DAB1: variants seen among roughly 807,000 people sequenced by gnomAD.
The protein encoded by DAB1 is DAB adaptor protein 1, also known as disabled homolog 1.
Under a neutral mutation model 64.6 loss-of-function variants are expected in DAB1, and 15 were observed. That is an observed-to-expected ratio of 0.23 (90% CI 0.16 to 0.36). DAB1 has a LOEUF of 0.36. DAB1 is among the 10% of genes least tolerant of loss of function. The pLI is 1.00. For missense variants in DAB1, 596 were observed against 706.7 expected (o/e 0.84, Z 1.78); for synonymous variants, 235 against 251.9 (o/e 0.93, Z 0.64).
intron 3 of DAB1, among the ~76,000 whole-genome samples, chr1:58,434,237 C>T (rs1339257119): frequency 6.6e-6 from 1 of 152,040 alleles, no homozygotes; most frequent in East Asian, 1.9e-4. Flanking sequence ...GCAGAATTAG[C>T]ATAAGAGGCT....
intron 2 of DAB1, among the ~76,000 whole-genome samples, chr1:57,279,385 T>A (rs1443003245): frequency 6.6e-6 from 1 of 152,228 alleles, no homozygotes; most frequent in Non-Finnish European, 1.5e-5. Flanking sequence ...TATTATTTTT[T>A]AATTGTTGTA....
chr1:57,471,118 A>G (rs1045318381), intron 7 of DAB1, among the ~76,000 whole-genome samples: 13 of 152,344 alleles, frequency 8.5e-5, no homozygotes, highest in African/African-American at 2.6e-4. Context: ...GAAGCAGATC[A>G]TCTTACTTTT....
chr1:57,781,122 CTCTCTATATATATATATATATATATA>C (rs1346875694), intron 6 of DAB1, among the ~76,000 whole-genome samples: 175 of 43,874 alleles, frequency 4.0e-3, no homozygotes, highest in Middle Eastern at 0.013. Context: ...CTCTCTCTCT[CTCTCTATATATATATATATATATATA>C]TATATATATA....
intron 4 of DAB1, among the ~76,000 whole-genome samples, chr1:58,231,625 C>T (rs746171610): frequency 1.9e-4 from 29 of 152,154 alleles, no homozygotes; most frequent in Non-Finnish European, 2.9e-5. Flanking sequence ...ATCTATGCTA[C>T]ATAATAACAT....
chr1:57,571,009 C>T (rs1645187743), intron 7 of DAB1, among the ~76,000 whole-genome samples: 1 of 152,110 alleles, frequency 6.6e-6, no homozygotes, highest in South Asian at 2.1e-4. Context: ...TCATCTGGGT[C>T]ACCGTTGGTG....
At chr1:57,688,658 A>T (rs1213605901) in intron 6 of DAB1, among the ~76,000 whole-genome samples, 3 of 152,192 alleles carry the variant, frequency 2.0e-5, no homozygotes, top group Non-Finnish European at 4.4e-5. Flanking sequence ...AAGGCATGGA[A>T]TCAACCTAGG....
At chr1:57,620,431 G>A (rs970742245) in intron 7 of DAB1, among the ~76,000 whole-genome samples, 3 of 152,164 alleles carry the variant, frequency 2.0e-5, no homozygotes, top group Admixed American at 2.0e-4. Context: ...TGTATGAGAT[G>A]AATCTCAAAA....
chr1:57,025,957 G>A lies in DAB1; in HGVS notation c.786+24C>T, dbSNP rs1055848525. On this transcript the variant is annotated intron_variant, in intron 10 of 14. Coordinates refer to ENST00000371236, the MANE Select transcript of DAB1 (RefSeq NM_001365792.1). The stretch of plus-strand genomic sequence containing the variant: ...TAAAGAAAGGAATTCAGAGAGCAGG[G>A]TTCAGAGAGCAATGCATACTTACGG... 3.2e-6 allele frequency: 5 copies of A among 1,549,222 alleles called. No homozygotes were observed. The South Asian group carries it at 6.1e-5, about 19-fold the overall frequency.
chr1:57,468,404 T>C (rs921028838), intron 7 of DAB1, among the ~76,000 whole-genome samples: 3 of 152,060 alleles, frequency 2.0e-5, no homozygotes, highest in Non-Finnish European at 4.4e-5. Context: ...AAAATGAAAA[T>C]TTTAGAATGG....
At chr1:57,534,049 T>C (rs1235610245) in intron 7 of DAB1, among the ~76,000 whole-genome samples, 1 of 152,098 alleles carries the variant, frequency 6.6e-6, no homozygotes, top group Non-Finnish European at 1.5e-5. Context: ...TATATTATTT[T>C]GAGATGGAAA....
chr1:58,324,949 C>A (rs182675099), intron 4 of DAB1, among the ~76,000 whole-genome samples: 1 of 152,250 alleles, frequency 6.6e-6, no homozygotes, highest in African/African-American at 2.4e-5. Flanking sequence ...GCTATGGACA[C>A]CACCAACATG....
intron 4 of DAB1, among the ~76,000 whole-genome samples, chr1:57,073,936 G>A (rs924768136): frequency 2.0e-5 from 3 of 152,164 alleles, no homozygotes; most frequent in Non-Finnish European, 4.4e-5. Flanking sequence ...GAGTGCAACG[G>A]TGCAATCTTG....
intron 3 of DAB1, among the ~76,000 whole-genome samples, chr1:58,488,564 G>A (rs1470202217): frequency 6.6e-6 from 1 of 152,154 alleles, no homozygotes; most frequent in African/African-American, 2.4e-5. Flanking sequence ...CAATTCTCCT[G>A]TGTCAGCCTC....
At chr1:58,300,606 AAGAAAGAG>A (rs1662115688) in intron 4 of DAB1, among the ~76,000 whole-genome samples, 30 of 37,970 alleles carry the variant, frequency 7.9e-4, no homozygotes, top group South Asian at 1.1e-3. Context: ...GAAAGAAAGA[AAGAAAGAG>A]AGAGAGAGAG....
intron 3 of DAB1, among the ~76,000 whole-genome samples, chr1:58,454,200 G>A (rs1339952359): frequency 6.6e-6 from 1 of 152,126 alleles, no homozygotes; most frequent in Non-Finnish European, 1.5e-5. Context: ...CTGCTCCATC[G>A]AGGGGCTGTG....
At chr1:57,704,877 T>TC (rs57787059) in intron 6 of DAB1, among the ~76,000 whole-genome samples, 56,812 of 146,376 alleles carry the variant, frequency 0.39, 12,055 homozygotes, top group African/African-American at 0.54. Context: ...GGGAAATTTC[T>TC]TTTCCTTCCT....
chr1:57,773,172 G>A (rs545226222), intron 6 of DAB1, among the ~76,000 whole-genome samples: 6 of 151,908 alleles, frequency 3.9e-5, no homozygotes, highest in Non-Finnish European at 8.8e-5. Flanking sequence ...GTTGTTTTAA[G>A]CCATTCAGTT....
chr1:57,937,700 T>G (rs1645046927), intron 5 of DAB1, among the ~76,000 whole-genome samples: 2 of 152,176 alleles, frequency 1.3e-5, no homozygotes, highest in Non-Finnish European at 2.9e-5. Context: ...CTTCAAAACC[T>G]GTTGTTGCTG....
chr1:57,136,009 A>G (rs1171542674), intron 4 of DAB1, among the ~76,000 whole-genome samples: 5 of 152,118 alleles, frequency 3.3e-5, no homozygotes, highest in African/African-American at 9.7e-5. Flanking sequence ...GGTTGATGAA[A>G]ACACAAACCA....
Sources: gnomAD v4.1 joint callset for allele counts (sites outside exome capture counted in the v4.1 genomes callset) on GRCh38, gnomAD v4.1.1 for gene constraint, MANE v1.5 for transcripts, NCBI Gene and HGNC (gene_info 2026-07-23, HGNC 2026-07-21) for gene names.